Variants in PHIP observed in about 807,000 individuals in gnomAD.
PHIP encodes PHIP subunit of CUL4-Ring ligase complex.
A neutral mutation model predicts 236.8 loss-of-function variants in PHIP; 54 were observed. The observed-to-expected ratio is 0.23, with a 90% CI of 0.18 to 0.29. The LOEUF (loss-of-function observed/expected upper bound fraction) is 0.29. PHIP is among the 10% of genes least tolerant of loss of function. The probability of loss-of-function intolerance (pLI) is 1.00; values close to 1 mark genes in which losing one functional copy is unlikely to be tolerated. For synonymous variants in PHIP, 756 were observed against 718.9 expected (o/e 1.05, Z -0.83); for missense variants, 1,370 against 2,190.8 (o/e 0.63, Z 7.48).
rs868563453 is a variant in PHIP, at chr6:79,019,487, C to T, written c.924-328G>A. ...CTCAGTTTTTCATATAGAATAGCAA[C>T]GTACAAACATATAAGGAACTAAGCT... is the stretch of plus-strand genomic sequence containing the variant. On this transcript the variant is annotated intron_variant, in intron 9 of 39. Coordinates refer to ENST00000275034, the MANE Select transcript of PHIP (RefSeq NM_017934.7). Among the ~76,000 whole-genome samples the T allele has an allele frequency of 3.3e-5, 5 of 152,008 alleles. No individual in the cohort carries two copies. In the South Asian group the frequency reaches 6.2e-4, roughly 19 times the overall value.
intron 6 of PHIP, among the ~76,000 whole-genome samples, chr6:79,059,596 T>G (rs976874732): frequency 2.5e-4 from 15 of 60,126 alleles, no homozygotes; most frequent in Admixed American, 6.4e-4. Context: ...CAAAATTATA[T>G]ATATATATAT....
chr6:78,984,656 A>G (rs1191342755), intron 22 of PHIP, among the ~76,000 whole-genome samples: 2 of 152,140 alleles, frequency 1.3e-5, no homozygotes, highest in African/African-American at 4.8e-5. Context: ...ATATAACCAC[A>G]CACATTTGCA....
At position 78,936,455 on chromosome 6, in the gene PHIP, C is replaced by A. The variant is rs1190018352; in HGVS notation, c.*4238G>T. 2 of 151,874 alleles carry A rather than the reference C, an allele frequency of 1.3e-5. No homozygotes were observed. Among genetic ancestry groups the A allele is most frequent in the Non-Finnish European group, 3.0e-5 (2 of 67,786 alleles). 9.4% of individuals were successfully genotyped at this position (151,874 alleles called of 1,614,324 possible). ...TCTATCATTGTGACTAATCAACACA[C>A]ACAATCTTAAAGTAACCAGCATGTG... On this transcript the variant is annotated 3_prime_UTR_variant, in exon 40 of 40. Coordinates refer to ENST00000275034, the MANE Select transcript of PHIP (RefSeq NM_017934.7).
chr6:79,037,229 T>C (rs553324728), intron 7 of PHIP, among the ~76,000 whole-genome samples: 30 of 152,276 alleles, frequency 2.0e-4, no homozygotes, highest in Admixed American at 1.8e-3. Context: ...GCTTTCTCTT[T>C]CATGTCCTCA....
intron 7 of PHIP, among the ~76,000 whole-genome samples, chr6:79,027,740 T>A (rs1330133304): frequency 6.6e-6 from 1 of 152,150 alleles, no homozygotes; most frequent in African/African-American, 2.4e-5. Context: ...TTCTGAGAGA[T>A]GCAGAGGTAC....
intron 4 of PHIP, 127 bp downstream of exon 4, chr6:79,077,321 C>T: frequency 1.1e-6 from 1 of 919,444 alleles, no homozygotes; most frequent in African/African-American, 1.7e-5. Context: ...CCTCCCAACC[C>T]TCCCCATGGC....
intron 6 of PHIP, among the ~76,000 whole-genome samples, chr6:79,051,116 C>T (rs1259327525): frequency 6.6e-6 from 1 of 152,104 alleles, no homozygotes; most frequent in Non-Finnish European, 1.5e-5. Context: ...ACACGGGTAT[C>T]AAGGAAGTAA....
rs778410862 is a variant in PHIP, at chr6:79,003,720, C to T, written c.1653+10G>A. The T allele has an allele frequency of 1.3e-6, 2 of 1,588,710 alleles. No individual in the cohort carries two copies. ...AAATAAGGACATGATATATAGTCAT[C>T]ATACTCTACCTTGTCATATTTGCTA... On this transcript the variant is annotated intron_variant, in intron 16 of 39. Transcript: ENST00000275034.
At chr6:78,984,612 T>C (rs2127719475) in intron 22 of PHIP, among the ~76,000 whole-genome samples, 1 of 152,264 alleles carries the variant, frequency 6.6e-6, no homozygotes. Flanking sequence ...AATTTTTCCT[T>C]CATTGACCTG....
intron 12 of PHIP, 145 bp downstream of exon 12, chr6:79,017,201 A>C (rs1183977480): frequency 3.8e-6 from 2 of 531,060 alleles, no homozygotes; most frequent in African/African-American, 3.9e-5. Context: ...ATGCATGTGA[A>C]GGCTATATTC....
At chr6:79,059,728 C>T (rs984003904) in intron 6 of PHIP, among the ~76,000 whole-genome samples, 5 of 150,764 alleles carry the variant, frequency 3.3e-5, no homozygotes, top group Non-Finnish European at 1.5e-5. Flanking sequence ...AGAAGAGTAA[C>T]ATTCCTGGCT....
chr6:79,022,754 C>T (rs1053525946), intron 9 of PHIP, among the ~76,000 whole-genome samples: 1 of 152,152 alleles, frequency 6.6e-6, no homozygotes, highest in Non-Finnish European at 1.5e-5. Context: ...ACTTAGACTA[C>T]CCATTTAAGA....
At chr6:79,073,243 A>G (rs908531104) in intron 4 of PHIP, among the ~76,000 whole-genome samples, 2 of 152,196 alleles carry the variant, frequency 1.3e-5, no homozygotes, top group African/African-American at 4.8e-5. Flanking sequence ...TATATGTAAG[A>G]AAGAATGAAG....
At chr6:78,963,679 A>G (rs1766941338) in intron 29 of PHIP, among the ~76,000 whole-genome samples, 1 of 152,230 alleles carries the variant, frequency 6.6e-6, no homozygotes, top group Non-Finnish European at 1.5e-5. Context: ...AGGAACAGAG[A>G]GAATTATGAA....
chr6:78,991,924 C>T (rs766897928), intron 19 of PHIP, among the ~76,000 whole-genome samples: 3 of 149,220 alleles, frequency 2.0e-5, no homozygotes, highest in East Asian at 2.0e-4. Context: ...GAAATAACAG[C>T]GATTATTTGT....
At chr6:79,000,677 A>T (rs1205261912) in intron 17 of PHIP, among the ~76,000 whole-genome samples, 1 of 151,976 alleles carries the variant, frequency 6.6e-6, no homozygotes, top group Non-Finnish European at 1.5e-5. Context: ...ATTTCTCTTA[A>T]TTTCAGTCCT....
At position 78,946,701 on chromosome 6, in the gene PHIP, A is replaced by C. The variant is rs377707990; in HGVS notation, c.4370+10T>G. The C allele has an allele frequency of 5.9e-6, 9 of 1,535,250 alleles. No individual in the cohort carries two copies. The highest frequency in any genetic ancestry group is 7.8e-6 in the Non-Finnish European group (9 of 1,150,170). Reference sequence around the variant, plus strand: ...AGATCAGCTAGTGGTATTTAAAAGAAATTAAATACCTTGATGCAGCACTAC... The same window carrying C: ...AGATCAGCTAGTGGTATTTAAAAGACATTAAATACCTTGATGCAGCACTAC... On this transcript the variant is annotated intron_variant, in intron 37 of 39. Transcript: ENST00000275034.
At position 78,988,288 on chromosome 6, in the gene PHIP, T is replaced by C. The variant is rs757639677; in HGVS notation, c.2381A>G (p.His794Arg). 2.5e-6 allele frequency: 4 copies of C among 1,607,090 alleles called. No homozygotes were observed. Among genetic ancestry groups the C allele is most frequent in the Non-Finnish European group, 3.4e-6 (4 of 1,174,668 alleles). The stretch of plus-strand genomic sequence containing the variant: ...CAATGCAGATCTTGTACGATAATTG[T>C]GTTGATTTGTCTGTTGCTTTTTGGA... ...GESKKQQTNQ[H>R]NYRTRSALEE... is the part of the protein sequence containing the mutation. Residue 794 changes from histidine (H) to arginine (R), a missense_variant, in exon 21 of 40, where the codon CAC (histidine) becomes CGC (arginine). His to Arg is a conservative substitution (Grantham distance 29). Around this residue, in one of 14 missense-constraint regions of PHIP, gnomAD observed 99 missense variants for 110.0 expected, o/e 0.90. Coordinates refer to ENST00000275034, the MANE Select transcript of PHIP (RefSeq NM_017934.7).
chr6:78,970,642 C>T lies in PHIP; in HGVS notation c.2997+139G>A. The T allele has an allele frequency of 5.2e-6, 3 of 572,926 alleles. No homozygotes were observed. The South Asian group carries it at 7.9e-5, about 15-fold the overall frequency. The allele number at this position is 572,926 out of a possible 1,614,324, so 35.5% of individuals were successfully genotyped here. ...CTGGATGAAAATTAAACACCTCCTA[C>T]TCTCTAGGACTGCTTCAATTAAACA... is the stretch of plus-strand genomic sequence containing the variant. On this transcript the variant is annotated intron_variant, in intron 25 of 39. Coordinates refer to ENST00000275034, the MANE Select transcript of PHIP (RefSeq NM_017934.7).
Sources: gnomAD v4.1 joint callset for allele counts (sites outside exome capture counted in the v4.1 genomes callset) on GRCh38, gnomAD v4.1.1 for gene constraint, gnomAD v4.1.1 regional missense constraint, MANE v1.5 for transcripts, NCBI Gene and HGNC (gene_info 2026-07-23, HGNC 2026-07-21) for gene names.